The following ARMC3 variants were observed in gnomAD, a reference collection of about 807,000 sequenced individuals.
The protein encoded by ARMC3 is armadillo repeat containing 3.
In ARMC3, 74 loss-of-function variants were observed where a neutral mutation model predicts 90.3. The observed-to-expected ratio is 0.82, with a 90% CI of 0.68 to 0.99. The LOEUF (loss-of-function observed/expected upper bound fraction) is 0.99, where lower values mean the gene tolerates loss of function less well. Among genes scored for constraint, ARMC3 ranks in the 50% least tolerant of loss-of-function variants. The probability of loss-of-function intolerance (pLI) is 0.00; values close to 1 mark genes in which losing one functional copy is unlikely to be tolerated. For missense variants in ARMC3, 958 were observed against 1,042.8 expected (o/e 0.92, Z 1.12); for synonymous variants, 334 against 361.8 (o/e 0.92, Z 0.87).
rs1170472207 is a variant in ARMC3, at chr10:22,950,084, T to C, written c.166+3823T>C. ...GGTGAAATAATGTTTTTTTTCCAAATATAAAAAGCTAAAATAATTTATTTC... is the reference window on the plus strand; with the variant it reads ...GGTGAAATAATGTTTTTTTTCCAAACATAAAAAGCTAAAATAATTTATTTC... On this transcript the variant is annotated intron_variant, in intron 3 of 18. Transcript: ENST00000298032. Among the ~76,000 whole-genome samples the C allele has an allele frequency of 2.0e-5, 3 of 150,170 alleles. No homozygotes were observed. In the East Asian group the frequency reaches 5.9e-4, roughly 29 times the overall value.
intron 18 of ARMC3, among the ~76,000 whole-genome samples, chr10:23,033,927 G>A (rs553503874): frequency 6.6e-6 from 1 of 152,294 alleles, no homozygotes; most frequent in African/African-American, 2.4e-5. Flanking sequence ...TCAGGTTGAA[G>A]AGAGGGGGTG....
Position 23,006,913 on chromosome 10 carries a change from G to C in ARMC3, c.1761G>C (p.Leu587Phe). ...ATCCCGGCACCAAACTGTTGCCTTT[G>C]AAGGAGCTCTGCTTACAAGAACCAA... Reference protein sequence around the residue: ...RINPGTKLLPLKELCLQEPSD... With the variant: ...RINPGTKLLPFKELCLQEPSD... The change falls in exon 14 of 19, where the codon TTG becomes TTC. Residue 587 changes from leucine (L) to phenylalanine (F), a missense_variant. Physicochemically the swap from Leu to Phe is conservative, Grantham distance 22 (BLOSUM62 0). Transcript: ENST00000298032. The C allele has an allele frequency of 1.9e-6, 3 of 1,614,038 alleles. No individual in the cohort carries two copies. The highest frequency in any genetic ancestry group is 2.5e-6 in the Non-Finnish European group (3 of 1,179,976).
At chr10:22,937,914 T>C (rs917310146) in intron 2 of ARMC3, among the ~76,000 whole-genome samples, 1 of 152,168 alleles carries the variant, frequency 6.6e-6, no homozygotes, top group African/African-American at 2.4e-5. Context: ...TGGACAAATA[T>C]AGAGTGCCTA....
At chr10:22,959,199 C>G (rs1835086394) in intron 5 of ARMC3, 61 bp downstream of exon 5, 1 of 1,444,728 alleles carries the variant, frequency 6.9e-7, no homozygotes, top group Non-Finnish European at 9.7e-7. Context: ...CTTGATTAAA[C>G]TATATATTGA....
intron 2 of ARMC3, among the ~76,000 whole-genome samples, chr10:22,941,024 T>C (rs1396819660): frequency 2.6e-5 from 4 of 151,898 alleles, no homozygotes; most frequent in African/African-American, 4.8e-5. Flanking sequence ...AAAAGAAAGG[T>C]AAAAACAAAT....
chr10:23,031,976 G>T (rs2131569181), intron 17 of ARMC3, among the ~76,000 whole-genome samples: 1 of 152,194 alleles, frequency 6.6e-6, no homozygotes, highest in African/African-American at 2.4e-5. Context: ...TTTGGGCCAG[G>T]CACGCTAGCT....
intron 7 of ARMC3, among the ~76,000 whole-genome samples, chr10:22,966,439 A>G (rs971889894): frequency 6.6e-6 from 1 of 152,216 alleles, no homozygotes; most frequent in East Asian, 1.9e-4. Context: ...TATTTTCACC[A>G]GGGTCCCTGG....
At chr10:22,931,070 A>G (rs998097860) in intron 1 of ARMC3, among the ~76,000 whole-genome samples, 9 of 152,072 alleles carry the variant, frequency 5.9e-5, no homozygotes, top group African/African-American at 2.2e-4. Context: ...TGGGACTACA[A>G]GGCACGTGCC....
At chr10:22,993,116 G>C (rs1836782885) in intron 10 of ARMC3, among the ~76,000 whole-genome samples, 1 of 152,202 alleles carries the variant, frequency 6.6e-6, no homozygotes, top group South Asian at 2.1e-4. Flanking sequence ...TGTGGGCTCT[G>C]TTAAACAGAT....
At chr10:22,952,902 G>C (rs1050470833) in intron 3 of ARMC3, among the ~76,000 whole-genome samples, 1 of 152,184 alleles carries the variant, frequency 6.6e-6, no homozygotes, top group Non-Finnish European at 1.5e-5. Flanking sequence ...TTTACCGTGT[G>C]GGGTAGGTAG....
chr10:23,025,311 T>G (rs1838674048), intron 16 of ARMC3, among the ~76,000 whole-genome samples: 2 of 152,042 alleles, frequency 1.3e-5, no homozygotes, highest in Admixed American at 1.3e-4. Flanking sequence ...CACGTTTCAT[T>G]AAAAGTGCAT....
rs140653099 is a variant in ARMC3 at position 22,930,814 on chromosome 10, C to T, written c.-1-1182C>T. The stretch of plus-strand genomic sequence containing the variant: ...GGCTATGATATACCGTTTAAGATTG[C>T]TCCTACGATATACCGTTTAAGATGG... On this transcript the variant is annotated intron_variant, in intron 1 of 18. Transcript: ENST00000298032. Among the ~76,000 whole-genome samples the T allele has an allele frequency of 4.6e-3, 703 of 152,294 alleles. 1 individual carries two copies. Among genetic ancestry groups the T allele is most frequent in the Middle Eastern group, 0.027 (8 of 294 alleles).
At chr10:22,947,876 A>G (rs1351226977) in intron 3 of ARMC3, among the ~76,000 whole-genome samples, 1 of 152,228 alleles carries the variant, frequency 6.6e-6, no homozygotes, top group Non-Finnish European at 1.5e-5. Context: ...TTATTCATAG[A>G]GGATTTAAAA....
At chr10:22,959,243 A>G (rs370648965) in intron 5 of ARMC3, 105 bp downstream of exon 5, 1 of 1,347,696 alleles carries the variant, frequency 7.4e-7, no homozygotes, top group South Asian at 1.3e-5. Flanking sequence ...AGTGTTATTA[A>G]AATCTCTCAA....
At chr10:22,965,312 G>C (rs1588853762) in intron 7 of ARMC3, among the ~76,000 whole-genome samples, 1 of 152,102 alleles carries the variant, frequency 6.6e-6, no homozygotes, top group African/African-American at 2.4e-5. Flanking sequence ...ATTTTGAAAA[G>C]ACATTTTTGC....
chr10:22,981,448 C>G lies in ARMC3; in HGVS notation c.1025C>G (p.Ala342Gly). Residue 342 changes from alanine to glycine, a missense_variant, in exon 9 of 19, where the codon GCA (alanine) becomes GGA (glycine). Coordinates refer to ENST00000298032, the MANE Select transcript of ARMC3 (RefSeq NM_173081.5). ...TKIAASQAIS[A>G]MCENSGSKDF... ...ATTGCTGCTTCCCAAGCTATTTCAG[C>G]AATGTGTGAGAATTCAGGCAGCAAA... is the stretch of plus-strand genomic sequence containing the variant. The G allele has an allele frequency of 6.2e-7, 1 of 1,614,060 alleles. No homozygotes were observed. Among genetic ancestry groups the G allele is most frequent in the Non-Finnish European group, 8.5e-7 (1 of 1,180,014 alleles).
chr10:22,930,133 C>CTT (rs982416226), intron 1 of ARMC3, among the ~76,000 whole-genome samples: 1 of 149,558 alleles, frequency 6.7e-6, no homozygotes, highest in African/African-American at 2.5e-5. Context: ...TAAACTCTCT[C>CTT]TTTTTTTTTT....
At chr10:23,018,084 T>G (rs1370866779) in intron 16 of ARMC3, among the ~76,000 whole-genome samples, 1 of 152,226 alleles carries the variant, frequency 6.6e-6, no homozygotes, top group Non-Finnish European at 1.5e-5. Context: ...ATATCACTGG[T>G]TAATTGACAA....
At chr10:22,933,817 G>A (rs558162976) in intron 2 of ARMC3, among the ~76,000 whole-genome samples, 5 of 152,218 alleles carry the variant, frequency 3.3e-5, no homozygotes, top group South Asian at 4.1e-4. Context: ...CCTGGGAGGC[G>A]GAGTTTGCAG....
Sources: gnomAD v4.1 joint callset for allele counts (sites outside exome capture counted in the v4.1 genomes callset) on GRCh38, gnomAD v4.1.1 for gene constraint, MANE v1.5 for transcripts, NCBI Gene and HGNC (gene_info 2026-07-23, HGNC 2026-07-21) for gene names.